ADARB2: variants seen among roughly 807,000 people sequenced by gnomAD.
ADARB2 encodes the protein inactive double-stranded RNA-specific editase B2.
Under a neutral mutation model 62.2 loss-of-function variants are expected in ADARB2, and 25 were observed. That is an observed-to-expected ratio of 0.40 (90% confidence interval 0.29 to 0.56). The LOEUF (loss-of-function observed/expected upper bound fraction) is 0.56. ADARB2 is among the 20% of genes least tolerant of loss of function. The pLI, the probability that ADARB2 is intolerant of heterozygous loss-of-function variation, is 0.43. For missense variants in ADARB2, 1,071 were observed against 1,077.4 expected (o/e 0.99, Z 0.08); for synonymous variants, 572 against 500.8 (o/e 1.14, Z -1.90).
chr10:1,637,296 A>G (rs1833928474), intron 1 of ADARB2, among the ~76,000 whole-genome samples: 1 of 152,202 alleles, frequency 6.6e-6, no homozygotes, highest in Non-Finnish European at 1.5e-5. Context: ...TCGGAGTGGG[A>G]AGGAAGGAGC....
chr10:1,249,377 G>A (rs1831015137), intron 4 of ADARB2, among the ~76,000 whole-genome samples: 3 of 151,692 alleles, frequency 2.0e-5, no homozygotes, highest in African/African-American at 7.3e-5. Flanking sequence ...TGGAGGCGGA[G>A]GTTGGAGTGA....
At chr10:1,465,738 G>A (rs1267022994) in intron 1 of ADARB2, among the ~76,000 whole-genome samples, 1 of 152,218 alleles carries the variant, frequency 6.6e-6, no homozygotes, top group Non-Finnish European at 1.5e-5. Flanking sequence ...TACTGCATGT[G>A]CACCCAGAGG....
chr10:1,468,580 C>T (rs963491267), intron 1 of ADARB2, among the ~76,000 whole-genome samples: 5 of 152,206 alleles, frequency 3.3e-5, no homozygotes, highest in South Asian at 4.1e-4. Context: ...ACAGAGAAGG[C>T]GGCAGGCAGT....
chr10:1,283,599 G>T (rs1831388275), intron 3 of ADARB2, among the ~76,000 whole-genome samples: 2 of 152,242 alleles, frequency 1.3e-5, no homozygotes. Context: ...TATATGGCCT[G>T]TGTCCTTCAT....
chr10:1,547,755 G>C (rs1229638504), intron 1 of ADARB2, among the ~76,000 whole-genome samples: 6 of 140,860 alleles, frequency 4.3e-5, no homozygotes, highest in Admixed American at 1.4e-4. Context: ...CACTGTGTTG[G>C]GGGGAGAGGC....
intron 2 of ADARB2, among the ~76,000 whole-genome samples, chr10:1,369,837 C>T (rs1440375770): frequency 6.6e-6 from 1 of 152,180 alleles, no homozygotes; most frequent in African/African-American, 2.4e-5. Context: ...TGTACTTTGT[C>T]CCTGTCTTCT....
chr10:1,336,861 G>A (rs1831978637), intron 3 of ADARB2, among the ~76,000 whole-genome samples: 1 of 152,052 alleles, frequency 6.6e-6, no homozygotes. Context: ...CTCAGTGGTG[G>A]TAACCTTTAC....
At chr10:1,644,104 T>C (rs1177130872) in intron 1 of ADARB2, among the ~76,000 whole-genome samples, 1 of 152,250 alleles carries the variant, frequency 6.6e-6, no homozygotes, top group Non-Finnish European at 1.5e-5. Context: ...GCATTCATTA[T>C]GCCATTTACA....
At chr10:1,353,769 G>C (rs921062249) in intron 3 of ADARB2, among the ~76,000 whole-genome samples, 1 of 151,974 alleles carries the variant, frequency 6.6e-6, no homozygotes, top group Non-Finnish European at 1.5e-5. Flanking sequence ...GAAACAATTA[G>C]AGCCTTCCAG....
intron 1 of ADARB2, among the ~76,000 whole-genome samples, chr10:1,720,091 C>A (rs1268675896): frequency 6.6e-6 from 1 of 152,140 alleles, no homozygotes; most frequent in African/African-American, 2.4e-5. Context: ...TTCATCGCAG[C>A]ACTATTCACA....
chr10:1,553,031 G>C (rs894825489), intron 1 of ADARB2, among the ~76,000 whole-genome samples: 5 of 152,240 alleles, frequency 3.3e-5, no homozygotes, highest in Admixed American at 2.6e-4. Flanking sequence ...TGGGACATGG[G>C]GGGAGAGCAG....
intron 1 of ADARB2, among the ~76,000 whole-genome samples, chr10:1,389,327 A>G (rs971188965): frequency 1.3e-5 from 2 of 152,254 alleles, no homozygotes; most frequent in African/African-American, 4.8e-5. Context: ...GCTTGTTGAA[A>G]TACACTGTTG....
At chr10:1,344,446 A>G (rs978192385) in intron 3 of ADARB2, among the ~76,000 whole-genome samples, 15 of 152,198 alleles carry the variant, frequency 9.9e-5, no homozygotes, top group African/African-American at 3.6e-4. Flanking sequence ...GCCTTTAGTA[A>G]AGAATTAAAG....
intron 1 of ADARB2, among the ~76,000 whole-genome samples, chr10:1,581,092 T>G (rs986857569): frequency 6.6e-6 from 1 of 152,258 alleles, no homozygotes; most frequent in East Asian, 1.9e-4. Context: ...AGCGTGGAGC[T>G]GCTGGAATAC....
chr10:1,533,255 A>T (rs1323402895), intron 1 of ADARB2, among the ~76,000 whole-genome samples: 2 of 149,126 alleles, frequency 1.3e-5, no homozygotes, highest in Non-Finnish European at 3.0e-5. Context: ...AGTAGCTGGG[A>T]CTACAGGCGT....
Position 1,213,146 on chromosome 10 carries a change from CAG to C in ADARB2, c.1682+3803_1682+3804del, listed in dbSNP as rs1454337469. 8.6e-5 allele frequency among the ~76,000 whole-genome samples: 13 copies of C among 151,900 alleles called. No individual in the cohort carries two copies. In the East Asian group the frequency reaches 1.5e-3, roughly 18 times the overall value. On this transcript the variant is annotated intron_variant, in intron 7 of 9. Transcript: ENST00000381312. ...GGAGGATGAGATGGAGAGGGAGAGA[CAG>C]AGACACAGAAAGACAGAGACAAGCA...
At chr10:1,257,966 A>T (rs1364353882) in intron 4 of ADARB2, among the ~76,000 whole-genome samples, 1 of 152,190 alleles carries the variant, frequency 6.6e-6, no homozygotes, top group Non-Finnish European at 1.5e-5. Flanking sequence ...ACATTTGTTC[A>T]CTAATTAGCC....
intron 3 of ADARB2, among the ~76,000 whole-genome samples, chr10:1,289,111 G>A (rs1416562543): frequency 1.3e-5 from 2 of 152,164 alleles, no homozygotes; most frequent in Admixed American, 6.6e-5. Flanking sequence ...GCTACCCAGA[G>A]ATCTGCATGG....
chr10:1,553,913 C>T (rs774997690), intron 1 of ADARB2, among the ~76,000 whole-genome samples: 1 of 152,158 alleles, frequency 6.6e-6, no homozygotes, highest in Non-Finnish European at 1.5e-5. Flanking sequence ...CACTTAGAAC[C>T]GGTAGAATTC....
Sources: allele counts gnomAD v4.1 joint callset (sites outside exome capture counted in the v4.1 genomes callset), GRCh38; gene constraint gnomAD v4.1.1; transcripts MANE v1.5; gene names NCBI Gene and HGNC (gene_info 2026-07-23, HGNC 2026-07-21).